Variants in EFCAB13 observed in about 807,000 individuals in gnomAD.
The protein encoded by EFCAB13 is EF-hand calcium-binding domain-containing protein 13.
EFCAB13 carries 91 observed loss-of-function variants against 110.2 expected under a neutral mutation model. That is an observed-to-expected ratio of 0.83 (90% confidence interval 0.70 to 0.98). The LOEUF (loss-of-function observed/expected upper bound fraction) is 0.98. Among genes scored for constraint, EFCAB13 ranks in the 50% least tolerant of loss-of-function variants. The pLI, the probability that EFCAB13 is intolerant of heterozygous loss-of-function variation, is 0.00. For missense variants in EFCAB13, 968 were observed against 1,119.4 expected (o/e 0.86, Z 1.93); for synonymous variants, 323 against 369.9 (o/e 0.87, Z 1.45).
chr17:47,381,994 A>T (rs181717001), intron 14 of EFCAB13, among the ~76,000 whole-genome samples: 1 of 152,238 alleles, frequency 6.6e-6, no homozygotes, highest in African/African-American at 2.4e-5. Flanking sequence ...ATGAACATGG[A>T]ATTTTTTTAC....
In EFCAB13 at chr17:47,431,796, T is replaced by TTTTTA. The variant is rs1905120241; in HGVS notation, c.2638+1837_2638+1841dup. Reference sequence around the variant, plus strand: ...TCAGATTTATTGTCAAATTCAAATTTTTTTATATTCTTACTGATGTTTTAT... The same window carrying TTTTTA: ...TCAGATTTATTGTCAAATTCAAATTTTTTTATTTTATATTCTTACTGATGTTTTAT... On this transcript the variant is annotated intron_variant, in intron 24 of 24. Transcript: ENST00000331493. This position sits in a 1 kb window ranked among gnomAD's most constrained non-coding sequence, Gnocchi z 4.1. 6.6e-6 allele frequency among the ~76,000 whole-genome samples: 1 copy of TTTTTA among 152,184 alleles called. No individual in the cohort carries two copies. Among genetic ancestry groups the TTTTTA allele is most frequent in the Non-Finnish European group, 1.5e-5 (1 of 68,022 alleles).
chr17:47,427,075 A>G lies in EFCAB13; in HGVS notation c.2495-2743A>G, dbSNP rs569366444. Among the ~76,000 whole-genome samples, 118 of 152,230 alleles carry G rather than the reference A, an allele frequency of 7.8e-4. 1 individual carries two copies. Among genetic ancestry groups the G allele is most frequent in the African/African-American group, 2.7e-3 (114 of 41,562 alleles). On this transcript the variant is annotated intron_variant, in intron 23 of 24. Transcript: ENST00000331493. ...GATAGTAATGCCTATATCATATGAT[A>G]GTTGTAAGAATTAAGTGAGAGCATT...
intron 23 of EFCAB13, among the ~76,000 whole-genome samples, chr17:47,416,898 A>G (rs1159165200): frequency 6.6e-6 from 1 of 152,190 alleles, no homozygotes; most frequent in Non-Finnish European, 1.5e-5. Context: ...CACATTTCCA[A>G]AAGTCCAAGG....
chr17:47,364,774 A>G (rs1406422887), intron 10 of EFCAB13, among the ~76,000 whole-genome samples: 1 of 152,180 alleles, frequency 6.6e-6, no homozygotes, highest in Non-Finnish European at 1.5e-5. Flanking sequence ...AAAATCTAAT[A>G]ATACCTCTTG....
At chr17:47,377,996 T>G (rs2143372659) in intron 13 of EFCAB13, 93 bp downstream of exon 13, 1 of 1,214,656 alleles carries the variant, frequency 8.2e-7, no homozygotes, top group South Asian at 1.6e-5. Context: ...AATTAGAAAT[T>G]AGGAATGGGA....
intron 14 of EFCAB13, among the ~76,000 whole-genome samples, chr17:47,387,180 A>G (rs1464826331): frequency 6.6e-6 from 1 of 152,254 alleles, no homozygotes; most frequent in Middle Eastern, 3.4e-3. Flanking sequence ...AAAGTACTTC[A>G]TATGATTTTG....
chr17:47,339,644 T>G (rs1343548916), intron 5 of EFCAB13, among the ~76,000 whole-genome samples: 10 of 149,298 alleles, frequency 6.7e-5, no homozygotes, highest in Non-Finnish European at 1.2e-4. Context: ...TTATGAAAGG[T>G]CTTGAGATCG....
Position 47,404,474 on chromosome 17 carries a change from T to C in EFCAB13, c.2162-88T>C. On this transcript the variant is annotated intron_variant, in intron 19 of 24. Coordinates refer to ENST00000331493, the MANE Select transcript of EFCAB13 (RefSeq NM_152347.5). ...TTGTAAATAAAATGTTCGAGAAATA[T>C]ATAAGTCATATGCTGATTTTGATAC... 8.3e-6 allele frequency: 8 copies of C among 962,088 alleles called. No individual in the cohort carries two copies. The South Asian group carries it at 1.1e-4, about 13-fold the overall frequency. The allele number at this position is 962,088 out of a possible 1,614,324, so 59.6% of individuals were successfully genotyped here.
At chr17:47,375,371 G>T (rs1235880609) in intron 12 of EFCAB13, among the ~76,000 whole-genome samples, 1 of 152,042 alleles carries the variant, frequency 6.6e-6, no homozygotes, top group African/African-American at 2.4e-5. Context: ...GCTCACTGCA[G>T]CCTCGACCTT....
At chr17:47,375,768 G>A (rs1240931185) in intron 12 of EFCAB13, among the ~76,000 whole-genome samples, 1 of 152,194 alleles carries the variant, frequency 6.6e-6, no homozygotes, top group African/African-American at 2.4e-5. Context: ...TTTTGGAAAC[G>A]TTTATTTTGT....
intron 11 of EFCAB13, among the ~76,000 whole-genome samples, chr17:47,372,872 G>A (rs2065592622): frequency 6.6e-6 from 1 of 151,980 alleles, no homozygotes; most frequent in Admixed American, 6.6e-5. Flanking sequence ...ATATTTAACA[G>A]TTTGATTATA....
chr17:47,420,802 TC>T (rs1904660702), intron 23 of EFCAB13, among the ~76,000 whole-genome samples: 1 of 151,496 alleles, frequency 6.6e-6, no homozygotes, highest in Non-Finnish European at 1.5e-5. Context: ...AGCCACCCCA[TC>T]CGGGAGGGAG....
chr17:47,383,879 T>C (rs1019567283), intron 14 of EFCAB13, among the ~76,000 whole-genome samples: 3 of 152,162 alleles, frequency 2.0e-5, no homozygotes, highest in African/African-American at 7.2e-5. Context: ...TGAGTTCAAG[T>C]CCTGAAAATC....
At position 47,349,759 on chromosome 17, in the gene EFCAB13, C is replaced by CT. The variant is rs1162133822; in HGVS notation, c.661+1834dup. ...TTCCTTAAAGCTGTGGCTGATGTTTCTTTTTTTTTTTTTTTTTTTTTTTTT... is the reference window on the plus strand; with the variant it reads ...TTCCTTAAAGCTGTGGCTGATGTTTCTTTTTTTTTTTTTTTTTTTTTTTTTT... On this transcript the variant is annotated intron_variant, in intron 9 of 24. Transcript: ENST00000331493. Among the ~76,000 whole-genome samples, 434 of 76,166 alleles carry CT rather than the reference C, an allele frequency of 5.7e-3. 36 individuals are homozygous for CT. Among genetic ancestry groups the CT allele is most frequent in the Non-Finnish European group, 7.5e-3 (302 of 40,340 alleles). 50.0% of individuals were successfully genotyped at this position (76,166 alleles called of 152,430 possible). A position where few individuals can be genotyped will look rare whatever the true frequency, so the allele number is the denominator to read the frequency against.
chr17:47,435,204 T>A (rs554621838), intron 24 of EFCAB13, among the ~76,000 whole-genome samples: 1 of 151,522 alleles, frequency 6.6e-6, no homozygotes, highest in African/African-American at 2.4e-5. Context: ...AACAAAACCA[T>A]CAAAAAGTGG....
chr17:47,423,729 G>C (rs957321811), intron 23 of EFCAB13, among the ~76,000 whole-genome samples: 1 of 151,844 alleles, frequency 6.6e-6, no homozygotes, highest in Non-Finnish European at 1.5e-5. Context: ...GCCGGCAGGG[G>C]CGTTCCCGGG....
chr17:47,362,485 C>A (rs2065520310), intron 10 of EFCAB13, among the ~76,000 whole-genome samples: 1 of 152,170 alleles, frequency 6.6e-6, no homozygotes. Context: ...ACTTAGCAGA[C>A]TGGGAAAGGC....
chr17:47,409,102 A>G (rs973420021), intron 20 of EFCAB13, among the ~76,000 whole-genome samples: 1 of 152,198 alleles, frequency 6.6e-6, no homozygotes, highest in Non-Finnish European at 1.5e-5. Context: ...AATACAATAG[A>G]GTCCATCTAT....
At chr17:47,385,015 C>G (rs1489173566) in intron 14 of EFCAB13, among the ~76,000 whole-genome samples, 1 of 152,174 alleles carries the variant, frequency 6.6e-6, no homozygotes, top group African/African-American at 2.4e-5. Flanking sequence ...TTGTGATCCG[C>G]CCGCCTCGGG....
Sources: gnomAD v4.1 joint callset for allele counts (sites outside exome capture counted in the v4.1 genomes callset) on GRCh38, gnomAD v4.1.1 for gene constraint, Gnocchi (gnomAD v3.1) non-coding constraint, MANE v1.5 for transcripts, NCBI Gene and HGNC (gene_info 2026-07-23, HGNC 2026-07-21) for gene names.